PRELID2: variants seen among roughly 807,000 people sequenced by gnomAD.
PRELID2 encodes the protein PRELI domain-containing protein 2.
A neutral mutation model predicts 28.4 loss-of-function variants in PRELID2; 25 were observed. The ratio of observed to expected loss-of-function variants is 0.88; its 90% CI spans 0.64 to 1.23. The LOEUF is 1.23. Ranked by LOEUF, PRELID2 falls within the 50% of genes most tolerant of loss-of-function variation. The pLI is 0.00. For missense variants in PRELID2, 201 were observed against 214.4 expected, an observed-to-expected ratio of 0.94 and a Z score of 0.39; for synonymous variants, 76 against 71.6, an observed-to-expected ratio of 1.06 and a Z score of -0.31.
intron 5 of PRELID2, among the ~76,000 whole-genome samples, chr5:145,791,134 A>G (rs535664112): frequency 6.6e-6 from 1 of 152,206 alleles, no homozygotes; most frequent in East Asian, 1.9e-4. Flanking sequence ...CCTCACAATC[A>G]TGGCAGAAGG....
chr5:145,834,975 G>A (rs12658784), intron 1 of PRELID2: 46,891 of 492,396 alleles, frequency 0.095, 2,552 homozygotes, highest in East Asian at 0.13. Context: ...AGGTGTGAAC[G>A]TGATGCCAAG....
chr5:145,644,453 C>CAA (rs200028907), intron 1 of PRELID2, among the ~76,000 whole-genome samples: 10,111 of 148,750 alleles, frequency 0.068, 518 homozygotes, highest in Admixed American at 0.18. Context: ...TTGAACTTTT[C>CAA]AAAAAAAAAC....
At chr5:145,628,267 G>A (rs185856031) in intron 1 of PRELID2, among the ~76,000 whole-genome samples, 24 of 152,114 alleles carry the variant, frequency 1.6e-4, no homozygotes, top group African/African-American at 5.1e-4. Flanking sequence ...GAAGAAATGT[G>A]TTTTCATTAT....
intron 1 of PRELID2, among the ~76,000 whole-genome samples, chr5:145,584,582 T>A (rs141086783): frequency 0.015 from 2,243 of 151,928 alleles, 59 homozygotes; most frequent in African/African-American, 0.051. Flanking sequence ...TTAAACAAAT[T>A]TACAAGAAAA....
At chr5:145,281,603 T>C in the PRELID2 span, among the ~76,000 whole-genome samples, 1 of 152,276 alleles carries the variant, frequency 6.6e-6, no homozygotes, top group Non-Finnish European at 1.5e-5. Context: ...TCAAAGAAAA[T>C]GGATTATGTG....
At chr5:145,248,506 A>G in the PRELID2 span, among the ~76,000 whole-genome samples, 27 of 152,252 alleles carry the variant, frequency 1.8e-4, no homozygotes, top group South Asian at 3.5e-3. Flanking sequence ...GTAAAATCAT[A>G]TAAGTTGGCC....
chr5:145,312,034 A>G, the PRELID2 span, among the ~76,000 whole-genome samples: 1 of 152,100 alleles, frequency 6.6e-6, no homozygotes, highest in Admixed American at 6.6e-5. Context: ...ATCATTTTTT[A>G]TGATGAGAAC....
At chr5:145,802,675 A>G (rs1439388953) in intron 4 of PRELID2, among the ~76,000 whole-genome samples, 3 of 152,214 alleles carry the variant, frequency 2.0e-5, no homozygotes, top group Non-Finnish European at 4.4e-5. Context: ...TCACCCACTC[A>G]AGCAGTGCCT....
At chr5:145,299,644 C>CGTGTGT in the PRELID2 span, among the ~76,000 whole-genome samples, 5,921 of 109,342 alleles carry the variant, frequency 0.054, 387 homozygotes, top group African/African-American at 0.15. Flanking sequence ...TATGTGTGTG[C>CGTGTGT]GTGTGTGTGT....
chr5:145,382,801 C>T, the PRELID2 span, among the ~76,000 whole-genome samples: 3 of 151,864 alleles, frequency 2.0e-5, no homozygotes, highest in Non-Finnish European at 4.4e-5. Flanking sequence ...TCCTTCAAAC[C>T]TCAGCATCAC....
At chr5:145,721,535 T>C (rs931052709) in intron 1 of PRELID2, among the ~76,000 whole-genome samples, 1 of 152,112 alleles carries the variant, frequency 6.6e-6, no homozygotes, top group Non-Finnish European at 1.5e-5. Flanking sequence ...ACAGAAAATG[T>C]AATAAAATCA....
At position 145,711,532 on chromosome 5, in the gene PRELID2, C is replaced by G. The variant is rs548196251; in HGVS notation, n.70+53399G>C. Among the ~76,000 whole-genome samples, 10 of 152,318 alleles carry G rather than the reference C, an allele frequency of 6.6e-5. No individual in the cohort carries two copies. The South Asian group carries it at 1.9e-3, about 28-fold the overall frequency. On this transcript the variant is annotated intron_variant and non_coding_transcript_variant, in intron 1 of 2. Transcript: ENST00000510259. ...ATCTCCAGGAGCCCCAGCCACAAAT[C>G]TGCAGCCACCTGCCAAGTCTCTCCC...
At chr5:145,245,413 A>AAG in the PRELID2 span, among the ~76,000 whole-genome samples, 6,680 of 148,038 alleles carry the variant, frequency 0.045, 358 homozygotes, top group African/African-American at 0.13. Context: ...AAGAAAGAGA[A>AAG]AGAGAGAGAG....
the PRELID2 span, among the ~76,000 whole-genome samples, chr5:145,362,421 C>T: frequency 1.3e-5 from 2 of 152,132 alleles, no homozygotes; most frequent in African/African-American, 4.8e-5. Flanking sequence ...GCTCATACCA[C>T]CATCACAGCC....
chr5:145,247,869 ATG>A, the PRELID2 span, among the ~76,000 whole-genome samples: 7 of 152,052 alleles, frequency 4.6e-5, no homozygotes, highest in Non-Finnish European at 1.5e-5. Context: ...CGTTTTTATC[ATG>A]TCTCTTTATT....
At chr5:145,445,741 AACAC>A in the PRELID2 span, among the ~76,000 whole-genome samples, 362 of 148,482 alleles carry the variant, frequency 2.4e-3, 3 homozygotes, top group African/African-American at 6.4e-3. Context: ...TGTCTCACAA[AACAC>A]ACACACACAC....
At chr5:145,804,565 T>C (rs1013758377) in intron 4 of PRELID2, among the ~76,000 whole-genome samples, 16 of 152,180 alleles carry the variant, frequency 1.1e-4, no homozygotes, top group African/African-American at 3.6e-4. Flanking sequence ...TCATAGCCTA[T>C]TGTGGTAAAG....
chr5:145,359,622 A>G, the PRELID2 span, among the ~76,000 whole-genome samples: 1 of 152,196 alleles, frequency 6.6e-6, no homozygotes, highest in African/African-American at 2.4e-5. Context: ...TACTATCGAA[A>G]GCCACTCCTT....
intron 5 of PRELID2, among the ~76,000 whole-genome samples, chr5:145,785,482 A>C (rs1056101689): frequency 5.3e-5 from 8 of 152,220 alleles, no homozygotes; most frequent in African/African-American, 1.9e-4. Context: ...CGATAGTATG[A>C]GTGTTAGTTC....
Sources: allele counts gnomAD v4.1 joint callset (sites outside exome capture counted in the v4.1 genomes callset), GRCh38; gene constraint gnomAD v4.1.1; transcripts MANE v1.5; gene names NCBI Gene and HGNC (gene_info 2026-07-23, HGNC 2026-07-21).